Variants in GRID2 observed in about 807,000 individuals in gnomAD.
GRID2 encodes the protein glutamate receptor ionotropic, delta-2.
A neutral mutation model predicts 114.8 loss-of-function variants in GRID2; 33 were observed. That is an observed-to-expected ratio of 0.29 (90% CI 0.22 to 0.38). GRID2 has a LOEUF of 0.38. GRID2 is among the 10% of genes least tolerant of loss of function. The pLI, the probability that GRID2 is intolerant of heterozygous loss-of-function variation, is 1.00. For missense variants in GRID2, 1,184 were observed against 1,257.7 expected (o/e 0.94, Z 0.89); for synonymous variants, 505 against 449.9 (o/e 1.12, Z -1.55).
At chr4:92,485,073 T>G (rs1025977718) in intron 1 of GRID2, among the ~76,000 whole-genome samples, 12 of 151,208 alleles carry the variant, frequency 7.9e-5, no homozygotes, top group African/African-American at 2.2e-4. Context: ...ATTTTTATAA[T>G]TTTAATATTA....
At chr4:92,677,207 C>T (rs774507304) in intron 2 of GRID2, among the ~76,000 whole-genome samples, 7 of 152,100 alleles carry the variant, frequency 4.6e-5, no homozygotes, top group Non-Finnish European at 7.4e-5. Flanking sequence ...GATGATTACA[C>T]ACAGTGTGAA....
intron 2 of GRID2, among the ~76,000 whole-genome samples, chr4:92,890,662 G>A (rs1746710389): frequency 6.6e-6 from 1 of 152,152 alleles, no homozygotes; most frequent in Non-Finnish European, 1.5e-5. Context: ...TACACTGTTG[G>A]TGGGAGTGTA....
chr4:93,452,892 T>C (rs981650287), intron 10 of GRID2, among the ~76,000 whole-genome samples: 4 of 146,878 alleles, frequency 2.7e-5, no homozygotes, highest in African/African-American at 7.6e-5. Flanking sequence ...TCCTTGGCCT[T>C]TTTTTTTTTA....
intron 1 of GRID2, among the ~76,000 whole-genome samples, chr4:92,342,145 A>G (rs1727526171): frequency 6.6e-6 from 1 of 152,136 alleles, no homozygotes; most frequent in South Asian, 2.1e-4. Context: ...TGGGGAGACA[A>G]AAAATGCACT....
intron 8 of GRID2, among the ~76,000 whole-genome samples, chr4:93,255,247 T>G (rs1749437351): frequency 6.6e-6 from 1 of 152,090 alleles, no homozygotes; most frequent in Non-Finnish European, 1.5e-5. Context: ...TAGCAATCAT[T>G]TGGTGAAACA....
intron 1 of GRID2, among the ~76,000 whole-genome samples, chr4:92,416,303 C>T (rs748926567): frequency 2.6e-5 from 4 of 151,942 alleles, no homozygotes; most frequent in Admixed American, 6.6e-5. Flanking sequence ...TCTGGATATT[C>T]GTCCTTTGTC....
intron 1 of GRID2, among the ~76,000 whole-genome samples, chr4:92,588,972 C>T (rs1728586161): frequency 6.6e-6 from 1 of 150,750 alleles, no homozygotes. Flanking sequence ...CGAGTGTGTT[C>T]GCGTGCACCT....
chr4:93,707,393 A>G (rs1728098353), intron 14 of GRID2, among the ~76,000 whole-genome samples: 1 of 152,032 alleles, frequency 6.6e-6, no homozygotes, highest in African/African-American at 2.4e-5. Flanking sequence ...TTATTGATCT[A>G]TTCAGGTTTT....
chr4:92,970,473 T>G (rs1753436017), intron 2 of GRID2, among the ~76,000 whole-genome samples: 1 of 151,958 alleles, frequency 6.6e-6, no homozygotes, highest in Non-Finnish European at 1.5e-5. Flanking sequence ...TAAATAATAG[T>G]GCACATATTT....
chr4:93,024,532 A>G (rs916823615), intron 2 of GRID2, among the ~76,000 whole-genome samples: 1 of 151,792 alleles, frequency 6.6e-6, no homozygotes, highest in Non-Finnish European at 1.5e-5. Context: ...TTTAGCAGAA[A>G]GCATGAAGAC....
chr4:92,707,109 A>T (rs916963215), intron 2 of GRID2, among the ~76,000 whole-genome samples: 17 of 152,140 alleles, frequency 1.1e-4, no homozygotes, highest in Non-Finnish European at 2.1e-4. Flanking sequence ...TTGATTTTTT[A>T]AAAAATCAGC....
chr4:93,203,008 C>T (rs981203967), intron 4 of GRID2, among the ~76,000 whole-genome samples: 1 of 151,956 alleles, frequency 6.6e-6, no homozygotes, highest in East Asian at 1.9e-4. Flanking sequence ...ATACACTACT[C>T]ATTTAAGTGA....
chr4:93,197,412 G>A (rs1177299588), intron 4 of GRID2, among the ~76,000 whole-genome samples: 1 of 152,076 alleles, frequency 6.6e-6, no homozygotes, highest in Non-Finnish European at 1.5e-5. Flanking sequence ...TGCATGATAA[G>A]GATGTTGTGA....
intron 2 of GRID2, among the ~76,000 whole-genome samples, chr4:92,767,699 C>T (rs944471051): frequency 4.0e-5 from 6 of 151,532 alleles, no homozygotes; most frequent in Admixed American, 6.6e-5. Flanking sequence ...TGCAGTGAAC[C>T]GAGACCACAC....
chr4:93,234,161 T>A (rs368521674), intron 7 of GRID2, among the ~76,000 whole-genome samples: 1 of 152,110 alleles, frequency 6.6e-6, no homozygotes, highest in African/African-American at 2.4e-5. Context: ...ATAAACTTTT[T>A]GTCATGGGGA....
intron 8 of GRID2, among the ~76,000 whole-genome samples, chr4:93,301,867 A>C (rs1754905313): frequency 6.6e-6 from 1 of 152,170 alleles, no homozygotes; most frequent in Non-Finnish European, 1.5e-5. Context: ...CGTCAACCAG[A>C]AAACAAAACA....
At chr4:92,890,373 A>C (rs889812118) in intron 2 of GRID2, among the ~76,000 whole-genome samples, 2 of 152,210 alleles carry the variant, frequency 1.3e-5, no homozygotes, top group Non-Finnish European at 2.9e-5. Context: ...TCCATCTGAC[A>C]AAAGTCTAGT....
At chr4:92,811,730 T>C (rs1740669432) in intron 2 of GRID2, among the ~76,000 whole-genome samples, 1 of 152,052 alleles carries the variant, frequency 6.6e-6, no homozygotes, top group African/African-American at 2.4e-5. Flanking sequence ...GTGAGTAAAA[T>C]ATAAACAGTC....
chr4:92,758,930 G>T (rs1737856347), intron 2 of GRID2, among the ~76,000 whole-genome samples: 2 of 152,134 alleles, frequency 1.3e-5, no homozygotes. Flanking sequence ...GGAAAATTTT[G>T]TAACTTCTTT....
Sources: allele counts gnomAD v4.1 joint callset (sites outside exome capture counted in the v4.1 genomes callset), GRCh38; gene constraint gnomAD v4.1.1; transcripts MANE v1.5; gene names NCBI Gene and HGNC (gene_info 2026-07-23, HGNC 2026-07-21).